PKNOX1: variants seen among roughly 807,000 people sequenced by gnomAD.
The protein encoded by PKNOX1 is PBX/knotted 1 homeobox 1, also known as homeobox protein PKNOX1.
PKNOX1 carries 15 observed loss-of-function variants against 51.9 expected under a neutral mutation model. That is an observed-to-expected ratio of 0.29 (90% CI 0.19 to 0.45). The LOEUF (loss-of-function observed/expected upper bound fraction) is 0.45. Ranked by LOEUF, PKNOX1 falls within the 20% of genes least tolerant of loss-of-function variation. The pLI, the probability that PKNOX1 is intolerant of heterozygous loss-of-function variation, is 1.00. For synonymous variants in PKNOX1, 219 were observed against 211.1 expected (o/e 1.04, Z -0.32); for missense variants, 462 against 547.5 (o/e 0.84, Z 1.56).
At chr21:43,029,593 G>A (rs1018895683) in intron 10 of PKNOX1, among the ~76,000 whole-genome samples, 5 of 151,200 alleles carry the variant, frequency 3.3e-5, no homozygotes, top group African/African-American at 1.2e-4. Context: ...CACCACGCCC[G>A]GCTAATTTTT....
intron 2 of PKNOX1, among the ~76,000 whole-genome samples, chr21:43,006,690 G>A (rs1234189831): frequency 6.6e-6 from 1 of 152,310 alleles, no homozygotes; most frequent in East Asian, 1.9e-4. Context: ...GGACAGTGGG[G>A]ATGGCCCCGC....
At chr21:43,007,246 GT>G in intron 2 of PKNOX1, among the ~76,000 whole-genome samples, 1 of 152,340 alleles carries the variant, frequency 6.6e-6, no homozygotes, top group South Asian at 2.1e-4. Flanking sequence ...CATCGCCAGT[GT>G]TATTTTAAAA....
chr21:43,008,595 TGGCGAAACCCTGTCTCTACCA>T (rs1377457951), intron 3 of PKNOX1, among the ~76,000 whole-genome samples: 2 of 152,076 alleles, frequency 1.3e-5, no homozygotes, highest in Non-Finnish European at 2.9e-5. Flanking sequence ...CTGGCCAACA[TGGCGAAACCCTGTCTCTACCA>T]AAAAATACAA....
At chr21:42,989,760 G>A (rs776680648) in intron 1 of PKNOX1, among the ~76,000 whole-genome samples, 8 of 152,106 alleles carry the variant, frequency 5.3e-5, no homozygotes, top group South Asian at 2.1e-4. Flanking sequence ...AACTCAAGGC[G>A]GAAGCATTAG....
In PKNOX1 at chr21:43,029,995, G is replaced by C. The variant is rs770030582; in HGVS notation, c.1205G>C (p.Gly402Ala). The C allele has an allele frequency of 1.2e-6, 2 of 1,613,950 alleles. No homozygotes were observed. The highest frequency in any genetic ancestry group is 1.7e-5 in the Admixed American group (1 of 60,006). The change falls in exon 11 of 11, where the codon GGG becomes GCG. Residue 402 changes from glycine (G) to alanine (A), a missense_variant. Gly to Ala is a moderately conservative substitution (Grantham distance 60). This residue lies in a region of PKNOX1 where 118 missense variants were observed against 116.8 expected (regional missense o/e 1.01). Transcript: ENST00000291547. Reference protein sequence around the residue: ...TLAVQQVMMAGQSEDESVDST... With the variant: ...TLAVQQVMMAAQSEDESVDST... ...GCGGTGCAGCAGGTCATGATGGCAG[G>C]GCAGAGCGAGGACGAGTCTGTGGAC...
chr21:42,991,623 G>T (rs2059087537), intron 1 of PKNOX1, among the ~76,000 whole-genome samples: 1 of 152,002 alleles, frequency 6.6e-6, no homozygotes, highest in Non-Finnish European at 1.5e-5. Flanking sequence ...AGCTACTCGG[G>T]AGGCTGCGGC....
At chr21:42,998,696 CAAATCTT>C (rs1211427090) in intron 1 of PKNOX1, among the ~76,000 whole-genome samples, 1 of 152,190 alleles carries the variant, frequency 6.6e-6, no homozygotes, top group Non-Finnish European at 1.5e-5. Flanking sequence ...GCAGGACAGT[CAAATCTT>C]AAAGCTCCTA....
At position 43,010,210 on chromosome 21, in the gene PKNOX1, G is replaced by A; in HGVS notation, c.337G>A (p.Glu113Lys). Reference protein sequence around the residue: ...EGKPFFCEDPETDNLMVKAIQ... With the variant: ...EGKPFFCEDPKTDNLMVKAIQ... The stretch of plus-strand genomic sequence containing the variant: ...GAAACCTTTCTTTTGTGAAGATCCA[G>A]AAACTGATAATTTAGTAAGTAAAAT... Residue 113 changes from glutamate to lysine, a missense_variant, in exon 4 of 11, where the codon GAA (glutamate) becomes AAA (lysine). Around this residue, in one of 5 missense-constraint regions of PKNOX1, gnomAD observed 129 missense variants for 133.4 expected, o/e 0.97. Transcript: ENST00000291547. The A allele has an allele frequency of 6.5e-7, 1 of 1,546,536 alleles. No homozygotes were observed. Among genetic ancestry groups the A allele is most frequent in the Non-Finnish European group, 8.8e-7 (1 of 1,141,504 alleles).
At chr21:43,013,577 A>G (rs1979350552) in intron 5 of PKNOX1, among the ~76,000 whole-genome samples, 1 of 152,198 alleles carries the variant, frequency 6.6e-6, no homozygotes, top group Admixed American at 6.5e-5. Flanking sequence ...AGCTATTTTA[A>G]AATTTACAGT....
At chr21:42,977,455 C>G (rs979075478) in intron 1 of PKNOX1, among the ~76,000 whole-genome samples, 1 of 151,470 alleles carries the variant, frequency 6.6e-6, no homozygotes, top group Non-Finnish European at 1.5e-5. Flanking sequence ...TTAGGTAGCA[C>G]TTGCTGCTTC....
rs201583709 is a variant in PKNOX1 at position 43,021,399 on chromosome 21, G to A, written c.817G>A (p.Val273Met). 1.6e-5 allele frequency: 25 copies of A among 1,612,852 alleles called. No individual in the cohort carries two copies. The highest frequency in any genetic ancestry group is 2.0e-5 in the Non-Finnish European group (23 of 1,179,446). ...CGTCCTGCCAAAGCATGCCACGAAC[G>A]TGATGCGGTCCTGGCTCTTCCAGCA... ...RGVLPKHATN[V>M]MRSWLFQHIG... The change falls in exon 8 of 11, where the codon GTG becomes ATG. Residue 273 changes from valine (V) to methionine (M), a missense_variant. By Grantham distance (21) the Val-to-Met change is conservative. Around this residue, in one of 5 missense-constraint regions of PKNOX1, gnomAD observed 75 missense variants for 129.8 expected, o/e 0.58. Coordinates refer to ENST00000291547, the MANE Select transcript of PKNOX1 (RefSeq NM_004571.5). This position sits in a 1 kb window ranked among gnomAD's most constrained non-coding sequence, Gnocchi z 4.6.
intron 1 of PKNOX1, among the ~76,000 whole-genome samples, chr21:42,983,648 C>G (rs944543397): frequency 6.6e-6 from 1 of 152,114 alleles, no homozygotes; most frequent in Non-Finnish European, 1.5e-5. Flanking sequence ...GGATATAGAT[C>G]TAGAAGTGGG....
intron 1 of PKNOX1, among the ~76,000 whole-genome samples, chr21:42,992,885 T>C (rs1250773798): frequency 7.4e-6 from 1 of 134,740 alleles, no homozygotes; most frequent in Non-Finnish European, 1.6e-5. Context: ...TTCTTTGATA[T>C]CATTGCGAGC....
intron 6 of PKNOX1, 59 bp from the exon 7 acceptor site, chr21:43,018,070 AGAAG>A: frequency 2.5e-6 from 2 of 808,668 alleles, no homozygotes; most frequent in Non-Finnish European, 2.0e-6. Flanking sequence ...AAAAAAAAAA[AGAAG>A]AATGGTTTAA....
In PKNOX1 at chr21:42,993,794, G is replaced by A. The variant is rs572964064; in HGVS notation, c.-56-10532G>A. Reference sequence around the variant, plus strand: ...GTTGCCTGGCCTGGAGTGCAGTGGTGCAGTCTGGGCTCACAGCAGCCTCCG... The same window carrying A: ...GTTGCCTGGCCTGGAGTGCAGTGGTACAGTCTGGGCTCACAGCAGCCTCCG... On this transcript the variant is annotated intron_variant, in intron 1 of 10. Transcript: ENST00000291547. Among the ~76,000 whole-genome samples, 22 of 147,346 alleles carry A rather than the reference G, an allele frequency of 1.5e-4. 1 individual carries two copies. Among genetic ancestry groups the A allele is most frequent in the African/African-American group, 3.8e-4 (15 of 39,964 alleles).
At chr21:42,998,826 C>T (rs548927612) in intron 1 of PKNOX1, among the ~76,000 whole-genome samples, 4 of 152,214 alleles carry the variant, frequency 2.6e-5, no homozygotes, top group Non-Finnish European at 4.4e-5. Flanking sequence ...CAGCCTCCCT[C>T]CCAGCTGCTT....
chr21:43,025,284 C>T (rs1401672320), intron 9 of PKNOX1, among the ~76,000 whole-genome samples: 2 of 152,208 alleles, frequency 1.3e-5, no homozygotes, highest in African/African-American at 4.8e-5. Context: ...TTATGGACTG[C>T]ATCCTGCCTG....
At chr21:42,986,339 A>G (rs985796767) in intron 1 of PKNOX1, among the ~76,000 whole-genome samples, 1 of 152,010 alleles carries the variant, frequency 6.6e-6, no homozygotes, top group African/African-American at 2.4e-5. Context: ...CATCTCTACT[A>G]GAAATAGAAA....
rs1980234127 is a variant in PKNOX1, at chr21:43,030,846, G to A, written c.*745G>A. 1 of 152,148 alleles carries A rather than the reference G, an allele frequency of 6.6e-6. No individual in the cohort carries two copies. The highest frequency in any genetic ancestry group is 2.4e-5 in the African/African-American group (1 of 41,436). 9.4% of individuals were successfully genotyped at this position (152,148 alleles called of 1,614,324 possible). A position where few individuals can be genotyped will look rare whatever the true frequency, so the allele number is the denominator to read the frequency against. Reference sequence around the variant, plus strand: ...AATTTAATGAACCTGCCCAAAGTTAGCTACCGTTCCATGGTTCTTTGCTCT... The same window carrying A: ...AATTTAATGAACCTGCCCAAAGTTAACTACCGTTCCATGGTTCTTTGCTCT... On this transcript the variant is annotated 3_prime_UTR_variant, in exon 11 of 11. Transcript: ENST00000291547.
Sources: gnomAD v4.1 joint callset for allele counts (sites outside exome capture counted in the v4.1 genomes callset) on GRCh38, gnomAD v4.1.1 for gene constraint, gnomAD v4.1.1 regional missense constraint, Gnocchi (gnomAD v3.1) non-coding constraint, MANE v1.5 for transcripts, NCBI Gene and HGNC (gene_info 2026-07-23, HGNC 2026-07-21) for gene names.